ATF6: variants seen among roughly 807,000 people sequenced by gnomAD.
The protein encoded by ATF6 is cyclic AMP-dependent transcription factor ATF-6 alpha.
ATF6 carries 53 observed loss-of-function variants against 83.6 expected under a neutral mutation model. The ratio of observed to expected loss-of-function variants is 0.63; its 90% confidence interval spans 0.51 to 0.80. The LOEUF is 0.80. ATF6 is among the 30% of genes least tolerant of loss of function. The pLI, the probability that ATF6 is intolerant of heterozygous loss-of-function variation, is 0.00. For missense variants in ATF6, 744 were observed against 797.9 expected (o/e 0.93, Z 0.81); for synonymous variants, 288 against 285.8 (o/e 1.01, Z -0.08).
intron 4 of ATF6, among the ~76,000 whole-genome samples, chr1:161,791,066 GTGTGTGTGTGTGTGTGTCTC>G (rs57707136): frequency 0.15 from 20,728 of 136,032 alleles, 2,114 homozygotes; most frequent in African/African-American, 0.34. Flanking sequence ...TTTTATATGT[GTGTGTGTGTGTGTGTGTCTC>G]TGTGTGTGTG....
intron 9 of ATF6, among the ~76,000 whole-genome samples, chr1:161,832,888 G>C (rs1160263750): frequency 1.3e-5 from 2 of 152,218 alleles, no homozygotes; most frequent in African/African-American, 4.8e-5. Context: ...GTCCCTGTCT[G>C]ACAGCTTTGA....
chr1:161,834,682 G>A (rs1330814569), intron 9 of ATF6, among the ~76,000 whole-genome samples: 6 of 150,868 alleles, frequency 4.0e-5, no homozygotes, highest in Non-Finnish European at 8.9e-5. Context: ...GCTAAATGAC[G>A]AGTTAATGGG....
chr1:161,877,182 C>G (rs1378515075), intron 14 of ATF6, among the ~76,000 whole-genome samples: 3 of 151,990 alleles, frequency 2.0e-5, no homozygotes, highest in African/African-American at 7.2e-5. Context: ...AATAGTTTTT[C>G]AGGAAGTATG....
chr1:161,894,848 C>A lies in ATF6; in HGVS notation c.1720-17448C>A, dbSNP rs140706321. On this transcript the variant is annotated intron_variant, in intron 14 of 15. Transcript: ENST00000367942. ...TACAGGCGTGAGCTGCTGTGCCTGT[C>A]CTATTTTGTAGTCTTTATGAGGTTT... Among the ~76,000 whole-genome samples, 748 of 151,330 alleles carry A rather than the reference C, an allele frequency of 4.9e-3. 6 individuals are homozygous for A. Among genetic ancestry groups the A allele is most frequent in the African/African-American group, 0.017 (714 of 41,292 alleles).
In ATF6 at chr1:161,778,319, A is replaced by G. The variant is rs1256452237; in HGVS notation, c.158A>G (p.Tyr53Cys). Reference protein sequence around the residue: ...ELQLEAANETYENNFDNLDFD... With the variant: ...ELQLEAANETCENNFDNLDFD... ...CAATTGGAAGCAGCAAATGAGACGTATGTAAGTATTTACTAAGGTTGAATA... is the reference window on the plus strand; with the variant it reads ...CAATTGGAAGCAGCAAATGAGACGTGTGTAAGTATTTACTAAGGTTGAATA... Residue 53 changes from tyrosine (Y) to cysteine (C), a missense_variant and splice_region_variant, in exon 2 of 16, where the codon TAT becomes TGT. Coordinates refer to ENST00000367942, the MANE Select transcript of ATF6 (RefSeq NM_007348.4). 1 of 1,611,524 alleles carries G rather than the reference A, an allele frequency of 6.2e-7. No homozygotes were observed. The highest frequency in any genetic ancestry group is 1.3e-5 in the African/African-American group (1 of 75,000).
chr1:161,924,172 A>G (rs532502310), intron 15 of ATF6, among the ~76,000 whole-genome samples: 189 of 152,302 alleles, frequency 1.2e-3, no homozygotes, highest in African/African-American at 4.1e-3. Flanking sequence ...TCTCTTTTGC[A>G]GTTACACCAA....
In ATF6 at chr1:161,819,863, C is replaced by T. The variant is rs776307106; in HGVS notation, c.1095+45C>T. ...CTGAGTCGAGATGGGCTAAAGTATC[C>T]TCTGGATTAATAAATAGAGAAACTT... On this transcript the variant is annotated intron_variant, in intron 8 of 15. Coordinates refer to ENST00000367942, the MANE Select transcript of ATF6 (RefSeq NM_007348.4). The T allele has an allele frequency of 2.7e-6, 4 of 1,467,050 alleles. No individual in the cohort carries two copies. In the South Asian group the frequency reaches 4.1e-5, roughly 15 times the overall value. The allele number at this position is 1,467,050 out of a possible 1,614,324, so 90.9% of individuals were successfully genotyped here.
chr1:161,802,015 G>A (rs754676442), intron 6 of ATF6, 37 bp from the exon 7 acceptor site: 1 of 1,603,594 alleles, frequency 6.2e-7, no homozygotes, highest in South Asian at 1.1e-5. Flanking sequence ...CACAGTAGTT[G>A]TGTACCCTTT....
At chr1:161,892,628 C>CTTTTTTTTTT (rs773642361) in intron 14 of ATF6, among the ~76,000 whole-genome samples, 1 of 124,680 alleles carries the variant, frequency 8.0e-6, no homozygotes, top group African/African-American at 3.1e-5. Flanking sequence ...ACAGGTCATT[C>CTTTTTTTTTT]TTTTTTTTTT....
At chr1:161,937,454 A>G (rs747133752) in intron 15 of ATF6, among the ~76,000 whole-genome samples, 10 of 151,844 alleles carry the variant, frequency 6.6e-5, no homozygotes, top group Non-Finnish European at 1.0e-4. Context: ...TTTGTGTCCC[A>G]TTAAAATTCG....
chr1:161,931,430 T>C (rs1688430918), intron 15 of ATF6, among the ~76,000 whole-genome samples: 1 of 152,198 alleles, frequency 6.6e-6, no homozygotes, highest in Non-Finnish European at 1.5e-5. Flanking sequence ...AAATAATATA[T>C]ATTTAAACCT....
chr1:161,816,132 A>G (rs996118474), intron 7 of ATF6, among the ~76,000 whole-genome samples: 1 of 151,908 alleles, frequency 6.6e-6, no homozygotes, highest in African/African-American at 2.4e-5. Context: ...CTCAAAGGAA[A>G]CTATTTTGCA....
intron 2 of ATF6, among the ~76,000 whole-genome samples, chr1:161,779,375 C>T (rs1684586230): frequency 6.6e-6 from 1 of 152,164 alleles, no homozygotes; most frequent in Non-Finnish European, 1.5e-5. Flanking sequence ...TTATGCAAAT[C>T]ACTCAATCTT....
chr1:161,905,526 ACCAGTAGT>A lies in ATF6; in HGVS notation c.1720-6767_1720-6760del, dbSNP rs2101883143. ...GTAATCTTCAGGAAATTCACTTCCT[ACCAGTAGT>A]CCTGAGTAAAGTGAATTTTCTAAAA... On this transcript the variant is annotated intron_variant, in intron 14 of 15. Transcript: ENST00000367942. Among the ~76,000 whole-genome samples, 2 of 152,318 alleles carry A rather than the reference ACCAGTAGT, an allele frequency of 1.3e-5. 1 individual carries two copies. Among genetic ancestry groups the A allele is most frequent in the South Asian group, 4.1e-4 (2 of 4,830 alleles).
chr1:161,797,600 A>G (rs1482959839), intron 6 of ATF6, among the ~76,000 whole-genome samples: 1 of 152,196 alleles, frequency 6.6e-6, no homozygotes, highest in East Asian at 1.9e-4. Flanking sequence ...AGTACCTGGG[A>G]ATACAGCAAG....
chr1:161,768,404 CTT>C (rs1247476536), intron 1 of ATF6, among the ~76,000 whole-genome samples: 3 of 152,186 alleles, frequency 2.0e-5, no homozygotes, highest in Non-Finnish European at 4.4e-5. Flanking sequence ...ACAGTCTTCT[CTT>C]CTTTGAAGAC....
chr1:161,915,769 G>A (rs1225255951), intron 15 of ATF6, among the ~76,000 whole-genome samples: 1 of 151,708 alleles, frequency 6.6e-6, no homozygotes, highest in Admixed American at 6.6e-5. Flanking sequence ...CTGAACACAG[G>A]CACATTCCAC....
At chr1:161,777,221 C>T (rs958858816) in intron 1 of ATF6, among the ~76,000 whole-genome samples, 2 of 152,198 alleles carry the variant, frequency 1.3e-5, no homozygotes. Flanking sequence ...AGATAGAGAA[C>T]TCTTTAAAGG....
chr1:161,924,565 A>G (rs938456849), intron 15 of ATF6, among the ~76,000 whole-genome samples: 11 of 152,218 alleles, frequency 7.2e-5, no homozygotes, highest in Admixed American at 3.3e-4. Context: ...ATTTGCCTCT[A>G]TATGTATTAT....
Sources: gnomAD v4.1 joint callset for allele counts (sites outside exome capture counted in the v4.1 genomes callset) on GRCh38, gnomAD v4.1.1 for gene constraint, MANE v1.5 for transcripts, NCBI Gene and HGNC (gene_info 2026-07-23, HGNC 2026-07-21) for gene names.